RUNDC3B: variants seen among roughly 807,000 people sequenced by gnomAD.
The protein encoded by RUNDC3B is RUN domain-containing protein 3B.
A neutral mutation model predicts 58.4 loss-of-function variants in RUNDC3B; 33 were observed. That is an observed-to-expected ratio of 0.56 (90% CI 0.43 to 0.75). The LOEUF is 0.75. Ranked by LOEUF, RUNDC3B falls within the 30% of genes least tolerant of loss-of-function variation. RUNDC3B has a pLI of 0.00. For synonymous variants in RUNDC3B, 193 were observed against 195.2 expected (o/e 0.99, Z 0.10); for missense variants, 501 against 535.7 (o/e 0.94, Z 0.64).
intron 8 of RUNDC3B, among the ~76,000 whole-genome samples, chr7:87,792,984 TA>T (rs902112220): frequency 3.3e-5 from 5 of 151,730 alleles, no homozygotes; most frequent in African/African-American, 1.2e-4. Context: ...AAGACCCAAA[TA>T]AATAAAATCA....
chr7:87,776,978 A>T, intron 7 of RUNDC3B, among the ~76,000 whole-genome samples: 1 of 152,134 alleles, frequency 6.6e-6, no homozygotes. Context: ...GAGAACAATC[A>T]GAAAACAGGA....
chr7:87,816,541 G>T (rs1309131436), intron 10 of RUNDC3B, among the ~76,000 whole-genome samples: 1 of 151,864 alleles, frequency 6.6e-6, no homozygotes, highest in African/African-American at 2.4e-5. Context: ...TCAATAAAAG[G>T]ACTCATCAAG....
chr7:87,701,940 G>A (rs1421784845), intron 3 of RUNDC3B, among the ~76,000 whole-genome samples: 4 of 151,788 alleles, frequency 2.6e-5, no homozygotes, highest in Admixed American at 1.3e-4. Context: ...TCAGGAGATC[G>A]AGACCATCCT....
At chr7:87,712,020 T>A (rs1351651107) in intron 4 of RUNDC3B, among the ~76,000 whole-genome samples, 2 of 152,170 alleles carry the variant, frequency 1.3e-5, no homozygotes, top group African/African-American at 4.8e-5. Context: ...ATCTGGGCAT[T>A]TATTATGACA....
intron 10 of RUNDC3B, among the ~76,000 whole-genome samples, chr7:87,825,035 T>G (rs536377565): frequency 3.3e-5 from 5 of 151,998 alleles, no homozygotes; most frequent in Non-Finnish European, 7.4e-5. Flanking sequence ...CTCCTGCACA[T>G]GGTGAAACCC....
At chr7:87,666,001 G>A (rs1478782749) in intron 2 of RUNDC3B, among the ~76,000 whole-genome samples, 1 of 151,998 alleles carries the variant, frequency 6.6e-6, no homozygotes, top group Non-Finnish European at 1.5e-5. Flanking sequence ...GTATATACCC[G>A]GTAATGGGAT....
chr7:87,644,647 T>C lies in RUNDC3B; in HGVS notation c.123-6175T>C, dbSNP rs181780858. On this transcript the variant is annotated intron_variant, in intron 1 of 10. Transcript: ENST00000394654. ...CATGGTATAGATAAGAAGATCTATT[T>C]TATTTGAACATTTTTTTTCCTGAAG... Among the ~76,000 whole-genome samples the C allele has an allele frequency of 5.3e-5, 8 of 152,234 alleles. No homozygotes were observed. In the East Asian group the frequency reaches 1.5e-3, roughly 29 times the overall value.
chr7:87,711,333 T>A (rs897145850), intron 4 of RUNDC3B, among the ~76,000 whole-genome samples: 4 of 151,584 alleles, frequency 2.6e-5, no homozygotes, highest in Middle Eastern at 3.4e-3. Context: ...TCTCAAAAAA[T>A]ATATATATAT....
intron 2 of RUNDC3B, among the ~76,000 whole-genome samples, chr7:87,656,646 A>G (rs2130419105): frequency 6.6e-6 from 1 of 152,306 alleles, no homozygotes. Flanking sequence ...AAACAGAGTT[A>G]GATTTAGTCT....
intron 2 of RUNDC3B, among the ~76,000 whole-genome samples, chr7:87,673,429 T>G (rs1264069739): frequency 6.6e-6 from 1 of 152,250 alleles, no homozygotes; most frequent in Non-Finnish European, 1.5e-5. Context: ...TTTATTCTTT[T>G]TTCTTTTTCT....
At chr7:87,810,045 A>G (rs2130938653) in intron 9 of RUNDC3B, among the ~76,000 whole-genome samples, 2 of 151,788 alleles carry the variant, frequency 1.3e-5, no homozygotes, top group Non-Finnish European at 2.9e-5. Context: ...AATTCATTAC[A>G]GTTTTAATGA....
chr7:87,634,827 TA>T (rs1821603190), intron 1 of RUNDC3B, among the ~76,000 whole-genome samples: 1 of 152,188 alleles, frequency 6.6e-6, no homozygotes, highest in Non-Finnish European at 1.5e-5. Context: ...ACATTAGTTA[TA>T]TACCTTGGAA....
chr7:87,687,960 TG>T (rs1827633113), intron 2 of RUNDC3B, among the ~76,000 whole-genome samples: 1 of 152,180 alleles, frequency 6.6e-6, no homozygotes, highest in African/African-American at 2.4e-5. Context: ...CAACTTTTGT[TG>T]GAAAATGAGA....
At chr7:87,809,016 G>T (rs963387898) in intron 9 of RUNDC3B, among the ~76,000 whole-genome samples, 1 of 152,106 alleles carries the variant, frequency 6.6e-6, no homozygotes, top group Non-Finnish European at 1.5e-5. Context: ...GCCAGAAGAT[G>T]TGTACACTTC....
chr7:87,762,232 GT>G (rs1833732305), intron 6 of RUNDC3B, among the ~76,000 whole-genome samples: 1 of 151,490 alleles, frequency 6.6e-6, no homozygotes, highest in Non-Finnish European at 1.5e-5. Flanking sequence ...TATTCATATA[GT>G]TTTTCTCCTT....
At chr7:87,776,914 C>T (rs1023424606) in intron 7 of RUNDC3B, among the ~76,000 whole-genome samples, 1 of 151,698 alleles carries the variant, frequency 6.6e-6, no homozygotes, top group African/African-American at 2.4e-5. Context: ...ATTAATAATC[C>T]TTAGAGGAAT....
intron 2 of RUNDC3B, among the ~76,000 whole-genome samples, chr7:87,677,346 A>G (rs1001813331): frequency 6.6e-6 from 1 of 151,856 alleles, no homozygotes; most frequent in Admixed American, 6.6e-5. Flanking sequence ...AAAAAAAAAA[A>G]AAAAGGAAAT....
At position 87,770,679 on chromosome 7, in the gene RUNDC3B, T is replaced by C. The variant is rs1202011188; in HGVS notation, c.728T>C (p.Met243Thr). The change falls in exon 7 of 11, where the codon ATG (methionine) becomes ACG (threonine). Residue 243 changes from methionine to threonine, a missense_variant. Physicochemically the swap from Met to Thr is moderately conservative, Grantham distance 81. Coordinates refer to ENST00000394654, the MANE Select transcript of RUNDC3B (RefSeq NM_001134405.2). ...TPENVGPPFL[M>T]DENSWFNKCK... The stretch of plus-strand genomic sequence containing the variant: ...GAGAATGTCGGACCTCCTTTCCTCA[T>C]GGATGAGAACAGTTGGTTCAACAAG... 6.2e-7 allele frequency: 1 copy of C among 1,613,758 alleles called. No homozygotes were observed. Among genetic ancestry groups the C allele is most frequent in the South Asian group, 1.1e-5 (1 of 91,072 alleles).
intron 8 of RUNDC3B, among the ~76,000 whole-genome samples, chr7:87,785,761 C>G (rs376257931): frequency 1.3e-5 from 2 of 152,268 alleles, no homozygotes; most frequent in East Asian, 3.9e-4. Flanking sequence ...GGATGGGAAC[C>G]TATGGTTGCC....
Sources: gnomAD v4.1 joint callset for allele counts (sites outside exome capture counted in the v4.1 genomes callset) on GRCh38, gnomAD v4.1.1 for gene constraint, MANE v1.5 for transcripts, NCBI Gene and HGNC (gene_info 2026-07-23, HGNC 2026-07-21) for gene names.